The following IL1RAPL1 variants were observed in gnomAD, a reference collection of about 807,000 sequenced individuals.
IL1RAPL1 encodes the protein interleukin-1 receptor accessory protein-like 1.
A neutral mutation model predicts 48.4 loss-of-function variants in IL1RAPL1; 3 were observed. The observed-to-expected ratio is 0.06, with a 90% CI of 0.03 to 0.16. The LOEUF is 0.16. IL1RAPL1 is among the 10% of genes least tolerant of loss of function. IL1RAPL1 has a pLI of 1.00. For missense variants in IL1RAPL1, 349 were observed against 530.6 expected, an observed-to-expected ratio of 0.66 and a Z score of 3.36; for synonymous variants, 185 against 187.7, an observed-to-expected ratio of 0.99 and a Z score of 0.12.
intron 5 of IL1RAPL1, among the ~76,000 whole-genome samples, chrX:29,632,444 C>T (rs1038833204): frequency 2.7e-5 from 3 of 111,477 alleles, no homozygotes; most frequent in Admixed American, 9.5e-5. Flanking sequence ...CCACCGCGTC[C>T]GGCCTGTAAC....
At chrX:29,319,028 A>G (rs765194671) in intron 3 of IL1RAPL1, among the ~76,000 whole-genome samples, 2 of 111,472 alleles carry the variant, frequency 1.8e-5, no homozygotes, top group South Asian at 7.5e-4. Flanking sequence ...TTGATATTTT[A>G]CTTTTTCCAC....
chrX:29,743,148 A>T (rs1928249705), intron 6 of IL1RAPL1, among the ~76,000 whole-genome samples: 1 of 108,610 alleles, frequency 9.2e-6, no homozygotes, highest in Admixed American at 1.0e-4. Context: ...TTTACAAATT[A>T]TATATTAATA....
At chrX:28,778,525 A>G (rs182146874) in intron 1 of IL1RAPL1, among the ~76,000 whole-genome samples, 4 of 112,081 alleles carry the variant, frequency 3.6e-5, no homozygotes, top group Non-Finnish European at 7.5e-5. Context: ...TTGGAGCTGA[A>G]TTACAGTGGA....
chrX:29,228,178 GCA>G (rs35435025), intron 2 of IL1RAPL1, among the ~76,000 whole-genome samples: 8,035 of 84,108 alleles, frequency 0.096, 371 homozygotes, highest in Middle Eastern at 0.16. Context: ...ACACACGCGT[GCA>G]CACACACACA....
At chrX:29,274,535 A>G (rs780129977) in intron 2 of IL1RAPL1, among the ~76,000 whole-genome samples, 1 of 112,337 alleles carries the variant, frequency 8.9e-6, no homozygotes, top group African/African-American at 3.2e-5. Context: ...ATGTGAAAGC[A>G]TATGCATATT....
chrX:28,689,350 C>T (rs1006543515), intron 1 of IL1RAPL1, among the ~76,000 whole-genome samples: 5 of 110,590 alleles, frequency 4.5e-5, no homozygotes, highest in Non-Finnish European at 9.5e-5. Flanking sequence ...AGGGGCTTTT[C>T]CCTACCTTTG....
At chrX:29,664,685 T>A (rs1191224363) in intron 5 of IL1RAPL1, among the ~76,000 whole-genome samples, 1 of 111,646 alleles carries the variant, frequency 9.0e-6, no homozygotes, top group Non-Finnish European at 1.9e-5. Context: ...TTTACCCTGG[T>A]GTTGTCATAT....
chrX:29,378,266 G>C (rs1207912539), intron 3 of IL1RAPL1, among the ~76,000 whole-genome samples: 2 of 111,191 alleles, frequency 1.8e-5, no homozygotes, highest in East Asian at 5.6e-4. Context: ...TTCAGTTCTT[G>C]CATGATTTTA....
chrX:28,901,388 T>G (rs1923072522), intron 2 of IL1RAPL1, among the ~76,000 whole-genome samples: 1 of 112,560 alleles, frequency 8.9e-6, no homozygotes, highest in African/African-American at 3.2e-5. Flanking sequence ...TTTCAATATT[T>G]AGATAGCATG....
At position 28,654,139 on chromosome X, in the gene IL1RAPL1, G is replaced by A. The variant is rs777731958; in HGVS notation, c.-25+66092G>A. On this transcript the variant is annotated intron_variant, in intron 1 of 10. Transcript: ENST00000378993. ...GGCAACTCCACCCACCCCCGACCCC[G>A]TTTGTGCTCTTTCTTTTTTTCTAAA... Among the ~76,000 whole-genome samples the A allele has an allele frequency of 7.4e-5, 6 of 81,555 alleles. No homozygotes were observed. In the South Asian group the frequency reaches 1.9e-3, roughly 25 times the overall value. The allele number at this position is 81,555 out of a possible 115,157, so 70.8% of individuals were successfully genotyped here.
chrX:28,786,443 C>T (rs1044754207), intron 1 of IL1RAPL1, among the ~76,000 whole-genome samples: 9 of 111,341 alleles, frequency 8.1e-5, no homozygotes, highest in Admixed American at 1.9e-4. Context: ...CCAGCCTGAA[C>T]GACAGAGAGA....
intron 6 of IL1RAPL1, among the ~76,000 whole-genome samples, chrX:29,907,295 A>G (rs770990453): frequency 1.1e-4 from 12 of 110,966 alleles, no homozygotes; most frequent in South Asian, 3.7e-4. Flanking sequence ...TCTTTGTATC[A>G]CTTTCCATTC....
At chrX:29,182,935 G>T (rs921583813) in intron 2 of IL1RAPL1, among the ~76,000 whole-genome samples, 1 of 111,176 alleles carries the variant, frequency 9.0e-6, no homozygotes, top group Non-Finnish European at 1.9e-5. Context: ...AATTTGAAGT[G>T]ATGCGGGACC....
chrX:29,086,680 C>A (rs1310892843), intron 2 of IL1RAPL1, among the ~76,000 whole-genome samples: 1 of 112,116 alleles, frequency 8.9e-6, no homozygotes, highest in Non-Finnish European at 1.9e-5. Flanking sequence ...TGCCAATCAC[C>A]TATTAACAAG....
chrX:28,895,233 G>C (rs1419549543), intron 2 of IL1RAPL1, among the ~76,000 whole-genome samples: 1 of 110,945 alleles, frequency 9.0e-6, no homozygotes, highest in Non-Finnish European at 1.9e-5. Flanking sequence ...AACCTGTAAG[G>C]CTTGTCTGGT....
chrX:29,037,630 A>T (rs1001746565), intron 2 of IL1RAPL1, among the ~76,000 whole-genome samples: 1 of 111,872 alleles, frequency 8.9e-6, no homozygotes, highest in Non-Finnish European at 1.9e-5. Flanking sequence ...CTCACATTAT[A>T]ATAAATAGTA....
intron 2 of IL1RAPL1, among the ~76,000 whole-genome samples, chrX:28,928,026 G>A (rs1280445086): frequency 9.0e-6 from 1 of 110,723 alleles, no homozygotes; most frequent in Non-Finnish European, 1.9e-5. Context: ...ATGGGAGTAC[G>A]TATCTAATAT....
chrX:29,692,491 C>G (rs1006573680), intron 6 of IL1RAPL1, among the ~76,000 whole-genome samples: 1 of 111,842 alleles, frequency 8.9e-6, no homozygotes, highest in African/African-American at 3.2e-5. Flanking sequence ...CTTTCCTACA[C>G]TTTGTCTTCC....
intron 5 of IL1RAPL1, among the ~76,000 whole-genome samples, chrX:29,557,540 A>T (rs1337758571): frequency 9.0e-6 from 1 of 111,680 alleles, no homozygotes; most frequent in African/African-American, 3.3e-5. Flanking sequence ...AACACTTAAG[A>T]TCTATTTTCT....
Sources: allele counts gnomAD v4.1 joint callset (sites outside exome capture counted in the v4.1 genomes callset), GRCh38; gene constraint gnomAD v4.1.1; transcripts MANE v1.5; gene names NCBI Gene and HGNC (gene_info 2026-07-23, HGNC 2026-07-21).